CMIP: variants seen among roughly 807,000 people sequenced by gnomAD.
The protein encoded by CMIP is C-Maf-inducing protein.
Under a neutral mutation model 97.3 loss-of-function variants are expected in CMIP, and 13 were observed. The observed-to-expected ratio is 0.13, with a 90% CI of 0.09 to 0.21. CMIP has a LOEUF of 0.21. Ranked by LOEUF, CMIP falls within the 10% of genes least tolerant of loss-of-function variation. CMIP has a pLI of 1.00. For missense variants in CMIP, 847 were observed against 1,024.9 expected (o/e 0.83, Z 2.37); for synonymous variants, 538 against 436.3 (o/e 1.23, Z -2.91).
intron 1 of CMIP, among the ~76,000 whole-genome samples, chr16:81,546,069 C>T (rs554266258): frequency 2.6e-5 from 4 of 152,262 alleles, no homozygotes; most frequent in African/African-American, 4.8e-5. Context: ...AGCCAGCAGT[C>T]GAGGATGAAA....
intron 1 of CMIP, among the ~76,000 whole-genome samples, chr16:81,588,498 C>T (rs1350654382): frequency 1.3e-5 from 2 of 152,262 alleles, no homozygotes; most frequent in African/African-American, 2.4e-5. Context: ...CCTTGGGAGG[C>T]GCTGAGCAGT....
At chr16:81,648,144 A>G (rs2092386804) in intron 3 of CMIP, among the ~76,000 whole-genome samples, 1 of 148,692 alleles carries the variant, frequency 6.7e-6, no homozygotes, top group Non-Finnish European at 1.5e-5. Context: ...CATTCTTGAC[A>G]CTTCTTCAGG....
At chr16:81,623,363 C>A (rs910972625) in intron 3 of CMIP, among the ~76,000 whole-genome samples, 1 of 152,168 alleles carries the variant, frequency 6.6e-6, no homozygotes, top group African/African-American at 2.4e-5. Flanking sequence ...TAAATTTAAT[C>A]AAGCAGTTTA....
chr16:81,663,121 G>T (rs1397741567), intron 6 of CMIP, among the ~76,000 whole-genome samples: 1 of 151,152 alleles, frequency 6.6e-6, no homozygotes, highest in Non-Finnish European at 1.5e-5. Context: ...AAATTTTAAG[G>T]CTATGGCACT....
At chr16:81,556,210 C>A (rs896788223) in intron 1 of CMIP, among the ~76,000 whole-genome samples, 1 of 152,002 alleles carries the variant, frequency 6.6e-6, no homozygotes, top group African/African-American at 2.4e-5. Flanking sequence ...CCTGTTCTAG[C>A]CCGGGTGGGG....
chr16:81,582,748 C>T (rs997569463), intron 1 of CMIP, among the ~76,000 whole-genome samples: 1 of 152,086 alleles, frequency 6.6e-6, no homozygotes, highest in Non-Finnish European at 1.5e-5. Context: ...GTTTCCAAGA[C>T]CATGAAACTA....
chr16:81,598,677 T>C (rs1331202038), intron 1 of CMIP, among the ~76,000 whole-genome samples: 1 of 152,104 alleles, frequency 6.6e-6, no homozygotes, highest in Non-Finnish European at 1.5e-5. Context: ...AGAAGAGCAG[T>C]AACGTTCGGC....
intron 3 of CMIP, chr16:81,645,706 G>A: frequency 2.2e-6 from 3 of 1,338,016 alleles, no homozygotes; most frequent in Non-Finnish European, 1.0e-6. Context: ...CTTGCCGCTG[G>A]CTGGTGGGGC....
chr16:81,445,649 T>TG (rs1259692393), intron 1 of CMIP, 108 bp downstream of exon 1: 4 of 1,260,168 alleles, frequency 3.2e-6, no homozygotes, highest in Non-Finnish European at 4.3e-6. Flanking sequence ...TGGGGGGCGG[T>TG]GGGGGGTGCC....
intron 1 of CMIP, among the ~76,000 whole-genome samples, chr16:81,558,641 G>C (rs953022566): frequency 2.8e-4 from 42 of 152,198 alleles, no homozygotes; most frequent in Non-Finnish European, 5.6e-4. Flanking sequence ...AGGAGGCGTG[G>C]GGAGGAGGCA....
At chr16:81,541,798 A>G (rs1405886732) in intron 1 of CMIP, among the ~76,000 whole-genome samples, 3 of 152,218 alleles carry the variant, frequency 2.0e-5, no homozygotes, top group African/African-American at 4.8e-5. Flanking sequence ...CAGCTTGTCA[A>G]TCAGGCATCA....
At chr16:81,644,441 G>A (rs970291982) in intron 3 of CMIP, among the ~76,000 whole-genome samples, 1 of 152,212 alleles carries the variant, frequency 6.6e-6, no homozygotes, top group African/African-American at 2.4e-5. Flanking sequence ...GGTTATGAGC[G>A]GGTTTTAGGT....
chr16:81,495,274 A>G (rs1397205413), intron 1 of CMIP: 20 of 1,397,046 alleles, frequency 1.4e-5, no homozygotes, highest in Admixed American at 3.0e-5. Flanking sequence ...GCCTGGGGGA[A>G]GCAGAGGATG....
At chr16:81,587,788 G>T (rs2091406236) in intron 1 of CMIP, among the ~76,000 whole-genome samples, 1 of 152,190 alleles carries the variant, frequency 6.6e-6, no homozygotes, top group African/African-American at 2.4e-5. Context: ...GAGAGCACAC[G>T]TTGATCCCCT....
chr16:81,525,847 G>T (rs945302684), intron 1 of CMIP, among the ~76,000 whole-genome samples: 1 of 152,150 alleles, frequency 6.6e-6, no homozygotes, highest in African/African-American at 2.4e-5. Context: ...TAGGAACCTC[G>T]TATGAGTGGA....
intron 1 of CMIP, among the ~76,000 whole-genome samples, chr16:81,449,879 A>T (rs986624713): frequency 6.6e-6 from 1 of 152,222 alleles, no homozygotes. Context: ...GTAAGTTTTG[A>T]TGCTCGCATT....
intron 9 of CMIP, among the ~76,000 whole-genome samples, chr16:81,676,975 G>C (rs537863683): frequency 6.6e-6 from 1 of 152,266 alleles, no homozygotes; most frequent in East Asian, 1.9e-4. Flanking sequence ...TCGAAGTCTT[G>C]GATTAGTGGA....
chr16:81,709,436 C>T (rs75410123), intron 20 of CMIP, among the ~76,000 whole-genome samples: 11,413 of 152,258 alleles, frequency 0.075, 540 homozygotes, highest in East Asian at 0.15. Flanking sequence ...CCCACGGTCA[C>T]GCAGCAGCAA....
chr16:81,505,719 G>A (rs891248814), intron 1 of CMIP, among the ~76,000 whole-genome samples: 2 of 152,204 alleles, frequency 1.3e-5, no homozygotes, highest in Admixed American at 6.5e-5. Context: ...GGCTGGGCAC[G>A]GTGGCTCATG....
Sources: gnomAD v4.1 joint callset for allele counts (sites outside exome capture counted in the v4.1 genomes callset) on GRCh38, gnomAD v4.1.1 for gene constraint, MANE v1.5 for transcripts, NCBI Gene and HGNC (gene_info 2026-07-23, HGNC 2026-07-21) for gene names.